Variants in FANCA observed in about 807,000 individuals in gnomAD.
FANCA encodes the protein Fanconi anemia group A protein.
FANCA carries 236 observed loss-of-function variants against 194.3 expected under a neutral mutation model. The ratio of observed to expected loss-of-function variants is 1.21; its 90% CI spans 1.09 to 1.35. The LOEUF is 1.35. Among genes scored for constraint, FANCA ranks in the 40% most tolerant of loss-of-function variants. The pLI, the probability that FANCA is intolerant of heterozygous loss-of-function variation, is 0.00. For missense variants in FANCA, 2,628 were observed against 1,813.9 expected, an observed-to-expected ratio of 1.45 and a Z score of -8.15; for synonymous variants, 1,014 against 715.8, an observed-to-expected ratio of 1.42 and a Z score of -6.65.
chr16:89,796,180 G>A (rs748301706), intron 10 of FANCA, among the ~76,000 whole-genome samples, 162 bp from the exon 11 acceptor site: 3 of 152,306 alleles, frequency 2.0e-5, no homozygotes, highest in East Asian at 1.9e-4. Context: ...TGAATCCAAG[G>A]AGGTGGCAGT....
intron 37 of FANCA, among the ~76,000 whole-genome samples, chr16:89,741,972 A>T (rs974910350): frequency 4.7e-5 from 7 of 147,710 alleles, no homozygotes; most frequent in African/African-American, 9.9e-5. Context: ...CTTTAAACAA[A>T]TTTTTTTTTT....
chr16:89,791,365 A>G (rs575461883), intron 14 of FANCA, 38 bp downstream of exon 14: 1 of 1,610,502 alleles, frequency 6.2e-7, no homozygotes, highest in Non-Finnish European at 8.5e-7. Flanking sequence ...CCTTCTGGGA[A>G]GATCAGGTAT....
rs2039606736 is a variant in FANCA, at chr16:89,778,866, A to T, written c.1777-16T>A. 6 of 1,613,850 alleles carry T rather than the reference A, an allele frequency of 3.7e-6. No individual in the cohort carries two copies. The South Asian group carries it at 6.6e-5, about 18-fold the overall frequency. ...CTTTGGGGAGCTGTGGGAAGAGAAG[A>T]GACCTGTGAGAGACTGACAAGGAAA... On this transcript the variant is annotated splice_polypyrimidine_tract_variant and intron_variant, in intron 19 of 42. Coordinates refer to ENST00000389301, the MANE Select transcript of FANCA (RefSeq NM_000135.4).
At chr16:89,790,989 C>T (rs908908081) in intron 14 of FANCA, 1 of 260,518 alleles carries the variant, frequency 3.8e-6, no homozygotes, top group African/African-American at 2.3e-5. Flanking sequence ...GCCACCACAC[C>T]TGCGTAGTTT....
rs373986283 is a variant in FANCA, at chr16:89,749,900, C to A, written c.3069G>T (p.Glu1023Asp). The part of the protein sequence containing the change: ...GNEDIISRLQ[E>D]MVADLELQQD... Reference sequence around the variant, plus strand: ...GCTGCAGCTCCAGGTCAGCTACCATCTCCTGAAAAAGAGCAGTATGCTGGC... The same window carrying A: ...GCTGCAGCTCCAGGTCAGCTACCATATCCTGAAAAAGAGCAGTATGCTGGC... Residue 1023 changes from glutamate (E) to aspartate (D), a missense_variant and splice_region_variant, in exon 32 of 43, where the codon GAG (glutamate) becomes GAT (aspartate). Transcript: ENST00000389301. 135 of 1,613,952 alleles carry A rather than the reference C, an allele frequency of 8.4e-5. 1 individual carries two copies. The highest frequency in any genetic ancestry group is 1.1e-4 in the Non-Finnish European group (126 of 1,180,042).
chr16:89,783,220 G>A, intron 15 of FANCA, 118 bp from the exon 16 acceptor site: 1 of 791,954 alleles, frequency 1.3e-6, no homozygotes, highest in Non-Finnish European at 2.2e-6. Flanking sequence ...GCCCTTTACA[G>A]TCAGACTTAT....
chr16:89,799,680 G>A (rs752887293), intron 8 of FANCA, 42 bp from the exon 9 acceptor site: 18 of 1,518,482 alleles, frequency 1.2e-5, no homozygotes, highest in African/African-American at 1.4e-5. Context: ...GTAATCTTCT[G>A]TAATTTGTGT....
intron 21 of FANCA, among the ~76,000 whole-genome samples, chr16:89,774,466 C>T (rs1026269942): frequency 6.6e-6 from 1 of 152,152 alleles, no homozygotes; most frequent in Admixed American, 6.5e-5. Context: ...CATGGGGGCT[C>T]CCACCTGTAA....
intron 10 of FANCA, 186 bp downstream of exon 10, chr16:89,798,980 T>C (rs1037066647): frequency 6.2e-7 from 1 of 1,613,724 alleles, no homozygotes; most frequent in Non-Finnish European, 8.5e-7. Flanking sequence ...AGGAAAAGGC[T>C]GACCAGAGCG....
chr16:89,780,108 C>A, intron 17 of FANCA, 151 bp from the exon 18 acceptor site: 2 of 736,596 alleles, frequency 2.7e-6, no homozygotes, highest in East Asian at 5.3e-5. Flanking sequence ...ACAGCAGGGG[C>A]CCTGGAGCAC....
At chr16:89,744,668 T>G in intron 36 of FANCA, 1 of 429,080 alleles carries the variant, frequency 2.3e-6, no homozygotes, top group African/African-American at 2.1e-5. Flanking sequence ...AGAGGCTGTT[T>G]TTTTTTTTGT....
rs769311485 is a variant in FANCA at position 89,775,765 on chromosome 16, G to C, written c.1877C>G (p.Ser626Cys). ...SLYSTYCQACSAAEEKPEDAA... is the reference protein window; with the variant it reads ...SLYSTYCQACCAAEEKPEDAA... The stretch of plus-strand genomic sequence containing the variant: ...ACCTTCTGGCTTCTCTTCAGCAGCA[G>C]AGCAGGCCTGGCAGTAGGTGGAGTA... Residue 626 changes from serine (S) to cysteine (C), a missense_variant, in exon 21 of 43, where the codon TCT (serine) becomes TGT (cysteine). Physicochemically the swap from Ser to Cys is moderately radical, Grantham distance 112. Coordinates refer to ENST00000389301, the MANE Select transcript of FANCA (RefSeq NM_000135.4). 6.2e-6 allele frequency: 10 copies of C among 1,612,722 alleles called. No homozygotes were observed. The highest frequency in any genetic ancestry group is 1.3e-5 in the African/African-American group (1 of 74,892).
At chr16:89,814,470 A>C in intron 3 of FANCA, 50 bp downstream of exon 3, 1 of 1,387,332 alleles carries the variant, frequency 7.2e-7, no homozygotes. Flanking sequence ...TGGTTACTAT[A>C]TAAAAACCCT....
At chr16:89,782,316 T>G (rs189684510) in intron 17 of FANCA, among the ~76,000 whole-genome samples, 36 of 151,094 alleles carry the variant, frequency 2.4e-4, no homozygotes, top group Non-Finnish European at 2.4e-4. Context: ...TTGAGACCAT[T>G]CTGGCTAACA....
chr16:89,754,062 A>G (rs2038687988), intron 30 of FANCA, among the ~76,000 whole-genome samples: 1 of 152,114 alleles, frequency 6.6e-6, no homozygotes, highest in Admixed American at 6.5e-5. Flanking sequence ...TCAAAAACAA[A>G]CAAACAAAAA....
At position 89,739,236 on chromosome 16, in the gene FANCA, T is replaced by G. The variant is rs145886270; in HGVS notation, c.4064A>C (p.His1355Pro). 3.0e-5 allele frequency: 49 copies of G among 1,614,150 alleles called. 1 individual carries two copies. The highest frequency in any genetic ancestry group is 4.0e-5 in the Non-Finnish European group (47 of 1,180,042). The change falls in exon 41 of 43, where the codon CAT (histidine) becomes CCT (proline). Residue 1355 changes from histidine (H) to proline (P), a missense_variant. Coordinates refer to ENST00000389301, the MANE Select transcript of FANCA (RefSeq NM_000135.4). ...CTTCAAGTACATGTCCACAGCAACA[T>G]GCAGGAAGGCCTCTTCCCTGATGGC... The part of the protein sequence containing the change: ...DAAIREEAFL[H>P]VAVDMYLKLV...
At chr16:89,775,472 G>A (rs974493394) in intron 21 of FANCA, among the ~76,000 whole-genome samples, 2 of 152,232 alleles carry the variant, frequency 1.3e-5, no homozygotes, top group Non-Finnish European at 2.9e-5. Context: ...GCGGCCCACA[G>A]GAAGATGACG....
chr16:89,768,388 C>G (rs1009907365), intron 26 of FANCA, among the ~76,000 whole-genome samples: 3 of 152,180 alleles, frequency 2.0e-5, no homozygotes, highest in African/African-American at 4.8e-5. Context: ...CATATTTGAG[C>G]TGGGCGTGGA....
At chr16:89,794,799 G>T (rs2040188514) in intron 11 of FANCA, among the ~76,000 whole-genome samples, 1 of 152,164 alleles carries the variant, frequency 6.6e-6, no homozygotes, top group South Asian at 2.1e-4. Context: ...GGTACAGTCT[G>T]TCATACATGG....
Sources: gnomAD v4.1 joint callset for allele counts (sites outside exome capture counted in the v4.1 genomes callset) on GRCh38, gnomAD v4.1.1 for gene constraint, MANE v1.5 for transcripts, NCBI Gene and HGNC (gene_info 2026-07-23, HGNC 2026-07-21) for gene names.